SH2D4B: variants seen among roughly 807,000 people sequenced by gnomAD.
SH2D4B encodes SH2 domain-containing protein 4B.
SH2D4B carries 45 observed loss-of-function variants against 61.5 expected under a neutral mutation model. The observed-to-expected ratio is 0.73, with a 90% CI of 0.58 to 0.94. The LOEUF (loss-of-function observed/expected upper bound fraction) is 0.94. SH2D4B is among the 40% of genes least tolerant of loss of function. The probability of loss-of-function intolerance (pLI) is 0.00; values close to 1 mark genes in which losing one functional copy is unlikely to be tolerated. For missense variants in SH2D4B, 572 were observed against 574.2 expected, an observed-to-expected ratio of 1.00 and a Z score of 0.04; for synonymous variants, 224 against 220.4, an observed-to-expected ratio of 1.02 and a Z score of -0.14.
At position 80,608,406 on chromosome 10, in the gene SH2D4B, C is replaced by T. The variant is rs552460693; in HGVS notation, c.861-1018C>T. The stretch of plus-strand genomic sequence containing the variant: ...ACAGGCGTGAGCCACCGCGCCCGGC[C>T]CAGATGCTGTATTTTTGTGCCATGA... On this transcript the variant is annotated intron_variant, in intron 5 of 7. Coordinates refer to ENST00000646907, the MANE Select transcript of SH2D4B (RefSeq NM_001388272.1). Among the ~76,000 whole-genome samples the T allele has an allele frequency of 3.3e-5, 5 of 152,182 alleles. No individual in the cohort carries two copies. The East Asian group carries it at 9.7e-4, about 30-fold the overall frequency.
intron 1 of SH2D4B, among the ~76,000 whole-genome samples, chr10:80,569,681 C>T (rs1167284871): frequency 6.6e-6 from 1 of 151,418 alleles, no homozygotes; most frequent in Non-Finnish European, 1.5e-5. Context: ...GTGTGTACAC[C>T]CTCTTTGTCT....
chr10:80,596,813 A>C (rs1009723861), intron 4 of SH2D4B, among the ~76,000 whole-genome samples: 4 of 152,236 alleles, frequency 2.6e-5, no homozygotes, highest in Non-Finnish European at 5.9e-5. Flanking sequence ...TCTTACTCGC[A>C]GAACGTTTCC....
At chr10:80,590,147 A>G (rs1316571020) in intron 4 of SH2D4B, among the ~76,000 whole-genome samples, 2 of 152,136 alleles carry the variant, frequency 1.3e-5, no homozygotes, top group African/African-American at 2.4e-5. Context: ...AAGAGTGTTT[A>G]TTGTGATTTC....
intron 6 of SH2D4B, among the ~76,000 whole-genome samples, chr10:80,614,065 T>A (rs1438879015): frequency 2.6e-5 from 4 of 152,178 alleles, no homozygotes; most frequent in Non-Finnish European, 2.9e-5. Context: ...AACCACCCCC[T>A]CAGTCTCTGG....
intron 3 of SH2D4B, among the ~76,000 whole-genome samples, chr10:80,577,558 C>T (rs1408331346): frequency 6.6e-6 from 1 of 152,078 alleles, no homozygotes; most frequent in African/African-American, 2.4e-5. Flanking sequence ...TCCCAAGTAG[C>T]TGGGACTACA....
chr10:80,601,947 G>GT (rs767397369), intron 4 of SH2D4B, among the ~76,000 whole-genome samples: 181 of 152,258 alleles, frequency 1.2e-3, no homozygotes, highest in Middle Eastern at 6.8e-3. Flanking sequence ...CCAGCAAGAG[G>GT]TTTTTTTGCA....
intron 3 of SH2D4B, among the ~76,000 whole-genome samples, chr10:80,586,234 A>G (rs1405847834): frequency 1.3e-5 from 2 of 152,026 alleles, no homozygotes; most frequent in African/African-American, 4.8e-5. Context: ...AGTCCCATCA[A>G]CCACCCAAGA....
At chr10:80,599,097 G>C (rs1389839481) in intron 4 of SH2D4B, among the ~76,000 whole-genome samples, 7 of 152,106 alleles carry the variant, frequency 4.6e-5, no homozygotes, top group Non-Finnish European at 1.0e-4. Flanking sequence ...CCAGGTCAGG[G>C]TCCAGTGATA....
intron 2 of SH2D4B, 112 bp downstream of exon 2, chr10:80,570,428 C>T (rs1001358947): frequency 3.7e-5 from 50 of 1,344,554 alleles, no homozygotes; most frequent in East Asian, 4.9e-5. Flanking sequence ...TCATGTTGGC[C>T]GGGCTGGTCT....
chr10:80,538,311 G>T lies in SH2D4B; in HGVS notation c.-21G>T. Reference sequence around the variant, plus strand: ...TTCCCCTGCTGGCTGCCCTTCTGGTGCGTGCATCCCAGGTGGCATCATGCT... The same window carrying T: ...TTCCCCTGCTGGCTGCCCTTCTGGTTCGTGCATCCCAGGTGGCATCATGCT... On this transcript the variant is annotated 5_prime_UTR_variant, in exon 1 of 8. Coordinates refer to ENST00000646907, the MANE Select transcript of SH2D4B (RefSeq NM_001388272.1). This position sits in a 1 kb window ranked among gnomAD's most constrained non-coding sequence, Gnocchi z 4.8. The T allele has an allele frequency of 7.7e-7, 1 of 1,304,424 alleles. No homozygotes were observed. The highest frequency in any genetic ancestry group is 4.0e-5 in the Admixed American group (1 of 25,244). 80.8% of individuals were successfully genotyped at this position (1,304,424 alleles called of 1,614,324 possible).
intron 4 of SH2D4B, among the ~76,000 whole-genome samples, chr10:80,601,795 C>T (rs191254135): frequency 6.6e-6 from 1 of 152,348 alleles, no homozygotes; most frequent in Admixed American, 6.5e-5. Context: ...CCTGCAAATA[C>T]TCACAGTGCA....
rs941859095 is a variant in SH2D4B, at chr10:80,646,559, A to G, written c.*2474A>G. 1.3e-5 allele frequency: 2 copies of G among 152,186 alleles called. No homozygotes were observed. Among genetic ancestry groups the G allele is most frequent in the Non-Finnish European group, 2.9e-5 (2 of 68,024 alleles). 9.4% of individuals were successfully genotyped at this position (152,186 alleles called of 1,614,324 possible). The stretch of plus-strand genomic sequence containing the variant: ...TGCTAATAAATGTCAGGATTCTCAT[A>G]TAAAGGAGTTGCCTTTTTTTTCCCT... On this transcript the variant is annotated 3_prime_UTR_variant, in exon 8 of 8. Coordinates refer to ENST00000646907, the MANE Select transcript of SH2D4B (RefSeq NM_001388272.1).
chr10:80,609,840 T>A (rs539505359), intron 6 of SH2D4B, among the ~76,000 whole-genome samples: 2 of 152,306 alleles, frequency 1.3e-5, no homozygotes, highest in Admixed American at 1.3e-4. Context: ...TTTGTGGTCA[T>A]AAGACAGTGA....
chr10:80,546,878 C>T (rs566597213), intron 1 of SH2D4B, among the ~76,000 whole-genome samples: 1 of 152,304 alleles, frequency 6.6e-6, no homozygotes, highest in Non-Finnish European at 1.5e-5. Flanking sequence ...AGCTAATTAT[C>T]TTTATCAGGA....
At chr10:80,616,553 T>C (rs1309906953) in intron 6 of SH2D4B, among the ~76,000 whole-genome samples, 1 of 152,024 alleles carries the variant, frequency 6.6e-6, no homozygotes, top group Non-Finnish European at 1.5e-5. Context: ...CAGCTATCTG[T>C]AGTTCTGGTG....
chr10:80,574,412 A>T (rs1360627435), intron 3 of SH2D4B, among the ~76,000 whole-genome samples: 1 of 152,252 alleles, frequency 6.6e-6, no homozygotes, highest in East Asian at 1.9e-4. Flanking sequence ...CTGGGATTAC[A>T]GGCATGAGCC....
Position 80,551,153 on chromosome 10 carries a change from C to T in SH2D4B, c.184+12638C>T, listed in dbSNP as rs149310893. On this transcript the variant is annotated intron_variant, in intron 1 of 7. Transcript: ENST00000646907. ...CTGCAAGCTCTACCTCCCGGGCTCACGCCATTCTCCTGCCTCAGCCTCCTG... is the reference window on the plus strand; with the variant it reads ...CTGCAAGCTCTACCTCCCGGGCTCATGCCATTCTCCTGCCTCAGCCTCCTG... 2.9e-3 allele frequency among the ~76,000 whole-genome samples: 437 copies of T among 152,286 alleles called. 1 individual carries two copies. Among genetic ancestry groups the T allele is most frequent in the Middle Eastern group, 0.01 (3 of 294 alleles).
rs368676283 is a variant in SH2D4B at position 80,600,410 on chromosome 10, T to G, written c.644-3169T>G. Among the ~76,000 whole-genome samples the G allele has an allele frequency of 1.3e-3, 200 of 152,174 alleles. 4 individuals are homozygous for G. The Middle Eastern group carries it at 0.031, about 23-fold the overall frequency. On this transcript the variant is annotated intron_variant, in intron 4 of 7. Transcript: ENST00000646907. ...TTTCTGTCTGGGCAGGGGAGTAGGG[T>G]GGGCCTGAGATTTCTGAGCTGACCC...
At chr10:80,546,549 G>A (rs1202589702) in intron 1 of SH2D4B, among the ~76,000 whole-genome samples, 5 of 139,312 alleles carry the variant, frequency 3.6e-5, no homozygotes, top group Admixed American at 7.5e-5. Context: ...TTTTTGATAC[G>A]GAGTCTCACT....
Sources: allele counts gnomAD v4.1 joint callset (sites outside exome capture counted in the v4.1 genomes callset), GRCh38; gene constraint gnomAD v4.1.1; non-coding constraint Gnocchi (gnomAD v3.1); transcripts MANE v1.5; gene names NCBI Gene and HGNC (gene_info 2026-07-23, HGNC 2026-07-21).